KDM5B: variants seen among roughly 807,000 people sequenced by gnomAD.
KDM5B encodes the protein lysine-specific demethylase 5B.
In KDM5B, 144 loss-of-function variants were observed where a neutral mutation model predicts 193.4. The ratio of observed to expected loss-of-function variants is 0.74; its 90% CI spans 0.65 to 0.86. The LOEUF (loss-of-function observed/expected upper bound fraction) is 0.86. Ranked by LOEUF, KDM5B falls within the 40% of genes least tolerant of loss-of-function variation. The pLI is 0.00. For missense variants in KDM5B, 1,833 were observed against 1,886.9 expected, an observed-to-expected ratio of 0.97 and a Z score of 0.53; for synonymous variants, 668 against 682.6, an observed-to-expected ratio of 0.98 and a Z score of 0.33.
chr1:202,762,844 G>A lies in KDM5B; in HGVS notation c.809-36C>T, dbSNP rs989321487. ...CAATCCAAAATTAGCTCTTTATGAT[G>A]CTTTTCTCCACTTCCTCATCATCTC... On this transcript the variant is annotated intron_variant, in intron 6 of 26. Transcript: ENST00000367265. 2.8e-6 allele frequency: 3 copies of A among 1,063,918 alleles called. No individual in the cohort carries two copies. In the African/African-American group the frequency reaches 5.4e-5, roughly 19 times the overall value. The allele number at this position is 1,063,918 out of a possible 1,614,324, so 65.9% of individuals were successfully genotyped here.
chr1:202,777,042 C>T lies in KDM5B; in HGVS notation c.257G>A (p.Arg86His), dbSNP rs1282352157. ...CTCCAATTCATTCAGTCTCTGGATA[C>T]GTGGCGTAAAATGAAGTTTATCAAC... ...CDVDKLHFTP[R>H]IQRLNELEAQ... Residue 86 changes from arginine (R) to histidine (H), a missense_variant, in exon 2 of 27, where the codon CGT (arginine) becomes CAT (histidine). Around this residue, in one of 3 missense-constraint regions of KDM5B, gnomAD observed 355 missense variants for 374.9 expected, o/e 0.95. Coordinates refer to ENST00000367265, the MANE Select transcript of KDM5B (RefSeq NM_006618.5). 4 of 1,612,912 alleles carry T rather than the reference C, an allele frequency of 2.5e-6. No homozygotes were observed. The highest frequency in any genetic ancestry group is 3.4e-6 in the Non-Finnish European group (4 of 1,178,946).
rs541528706 is a variant in KDM5B at position 202,787,610 on chromosome 1, G to A, written c.205-10516C>T. Among the ~76,000 whole-genome samples the A allele has an allele frequency of 8.5e-5, 13 of 152,126 alleles. No individual in the cohort carries two copies. In the South Asian group the frequency reaches 2.5e-3, roughly 29 times the overall value. On this transcript the variant is annotated intron_variant, in intron 1 of 26. Coordinates refer to ENST00000367265, the MANE Select transcript of KDM5B (RefSeq NM_006618.5). ...CGGTTAAAAGTATGTGAAGTAGGCC[G>A]GGTGCGGTGGCTCACACCTGTAATC...
Position 202,731,871 on chromosome 1 carries a change from C to G in KDM5B, c.3978G>C (p.Leu1326Phe), listed in dbSNP as rs746731703. The G allele has an allele frequency of 6.2e-7, 1 of 1,613,548 alleles. No individual in the cohort carries two copies. The highest frequency in any genetic ancestry group is 2.2e-5 in the East Asian group (1 of 44,850). Residue 1326 changes from leucine (L) to phenylalanine (F), a missense_variant, in exon 24 of 27, where the codon TTG becomes TTC. Physicochemically the swap from Leu to Phe is conservative, Grantham distance 22. This residue lies in a region of KDM5B where 1,379 missense variants were observed against 1,349.6 expected (regional missense o/e 1.02). Transcript: ENST00000367265. ...TTCGTCCAGTTGAGAAGGGGGAGTG[C>G]AAATATGAGGTTCTGTTGTCCCAGT... ...PDDWDNRTSY[L>F]HSPFSTGRSC...
At chr1:202,775,165 A>G (rs947666755) in intron 2 of KDM5B, among the ~76,000 whole-genome samples, 9 of 151,616 alleles carry the variant, frequency 5.9e-5, no homozygotes, top group Non-Finnish European at 1.2e-4. Flanking sequence ...TGAACTCAGG[A>G]GGCAGAGGTT....
intron 13 of KDM5B, among the ~76,000 whole-genome samples, 155 bp from the exon 14 acceptor site, chr1:202,749,294 G>A (rs1655698620): frequency 6.6e-6 from 1 of 152,142 alleles, no homozygotes. Context: ...CCAGGTAGAT[G>A]GCTCACACCT....
rs1168889147 is a variant in KDM5B, at chr1:202,746,231, G to A, written c.2109C>T (p.Ala703=). The change falls in exon 15 of 27, where the codon GCC becomes GCT. Residue 703 remains alanine, a synonymous_variant. Transcript: ENST00000367265. ...VKCKTTCFMS[A]ISCSCKPGLL... ...GGCCAGGTTTACAAGAACAGGAGAT[G>A]GCAGACATGAAGCATGTAGTTTTGC... The A allele has an allele frequency of 1.9e-6, 3 of 1,613,246 alleles. No homozygotes were observed. The East Asian group carries it at 6.7e-5, about 36-fold the overall frequency.
chr1:202,785,621 A>G (rs11579816), intron 1 of KDM5B, among the ~76,000 whole-genome samples: 59,753 of 152,172 alleles, frequency 0.39, 14,103 homozygotes, highest in Non-Finnish European at 0.52. Context: ...GTCAAAAAAT[A>G]TTAGTTTTGG....
At chr1:202,782,924 G>A (rs1453440986) in intron 1 of KDM5B, among the ~76,000 whole-genome samples, 1 of 152,158 alleles carries the variant, frequency 6.6e-6, no homozygotes, top group African/African-American at 2.4e-5. Flanking sequence ...GCCAAAAGGG[G>A]GAGGACTGCT....
chr1:202,729,056 C>A lies in KDM5B; in HGVS notation c.4615G>T (p.Asp1539Tyr), dbSNP rs1333603944. Residue 1539 changes from aspartate (D) to tyrosine (Y), a missense_variant, in exon 27 of 27, where the codon GAC (aspartate) becomes TAC (tyrosine). Asp to Tyr is a radical substitution (Grantham distance 160). This residue lies in a region of KDM5B where 1,379 missense variants were observed against 1,349.6 expected (regional missense o/e 1.02). Coordinates refer to ENST00000367265, the MANE Select transcript of KDM5B (RefSeq NM_006618.5). ...DYICVRCTVK[D>Y]APSRK ...TGTTTTTACTTTCGGCTTGGTGCGT[C>A]CTTCACAGTACAGCGCACACAGATG... The A allele has an allele frequency of 6.2e-7, 1 of 1,614,050 alleles. No homozygotes were observed. Among genetic ancestry groups the A allele is most frequent in the East Asian group, 2.2e-5 (1 of 44,878 alleles).
intron 4 of KDM5B, 22 bp from the exon 5 acceptor site, chr1:202,767,082 AT>A: frequency 6.2e-7 from 1 of 1,606,744 alleles, no homozygotes; most frequent in Non-Finnish European, 8.5e-7. Flanking sequence ...AACTGTACTG[AT>A]AAATTCCCTC....
At chr1:202,767,322 G>C (rs898117295) in intron 4 of KDM5B, 3 of 1,608,854 alleles carry the variant, frequency 1.9e-6, no homozygotes, top group Admixed American at 1.7e-5. Context: ...ACGACCACTT[G>C]TTTTCCACTG....
At position 202,764,048 on chromosome 1, in the gene KDM5B, C is replaced by G; in HGVS notation, c.808+1G>C. On this transcript the variant is annotated splice_donor_variant, in intron 6 of 26. Transcript: ENST00000367265. LOFTEE classifies it high-confidence loss of function. ...TCCTATTCATTGACAAATTTTCTTA[C>G]CATTTTCACATTTTGGAGTTGGACA... The G allele has an allele frequency of 6.6e-7, 1 of 1,522,920 alleles. No individual in the cohort carries two copies. The highest frequency in any genetic ancestry group is 9.0e-7 in the Non-Finnish European group (1 of 1,114,010). 94.3% of individuals were successfully genotyped at this position (1,522,920 alleles called of 1,614,324 possible).
chr1:202,757,102 G>C (rs911239246), intron 9 of KDM5B, among the ~76,000 whole-genome samples: 2 of 152,056 alleles, frequency 1.3e-5, no homozygotes, highest in African/African-American at 2.4e-5. Context: ...GAGGTGGGGG[G>C]GGGATTAGAT....
At chr1:202,745,740 AG>A in intron 16 of KDM5B, 117 bp downstream of exon 16, 3 of 1,148,074 alleles carry the variant, frequency 2.6e-6, no homozygotes, top group Non-Finnish European at 2.6e-6. Context: ...GGCTATGTAG[AG>A]GGGCTAACCA....
At position 202,760,484 on chromosome 1, in the gene KDM5B, G is replaced by T. The variant is rs1656203323; in HGVS notation, c.1008C>A (p.Thr336=). The T allele has an allele frequency of 1.9e-6, 3 of 1,613,460 alleles. No homozygotes were observed. Among genetic ancestry groups the T allele is most frequent in the Non-Finnish European group, 2.5e-6 (3 of 1,179,728 alleles). Reference sequence around the variant, plus strand: ...CATGGAGAGGTGGGATCAAGCAAAAGGTATGGTAACTGTCATCACAGCCAT... The same window carrying T: ...CATGGAGAGGTGGGATCAAGCAAAATGTATGGTAACTGTCATCACAGCCAT... ...LCDGCDDSYH[T]FCLIPPLHDV... The change falls in exon 8 of 27, where the codon ACC becomes ACA. Residue 336 remains threonine (T), a synonymous_variant. Transcript: ENST00000367265.
chr1:202,727,450 G>A lies in KDM5B; in HGVS notation c.*1586C>T, dbSNP rs1654714334. ...TATTTGAAGTGCATAAAAGGGGAGG[G>A]TACATTTAAACCTCTGCTATATCAC... On this transcript the variant is annotated 3_prime_UTR_variant, in exon 27 of 27. Coordinates refer to ENST00000367265, the MANE Select transcript of KDM5B (RefSeq NM_006618.5). 2 of 152,558 alleles carry A rather than the reference G, an allele frequency of 1.3e-5. No individual in the cohort carries two copies. Among genetic ancestry groups the A allele is most frequent in the Non-Finnish European group, 2.9e-5 (2 of 68,040 alleles). 9.5% of individuals were successfully genotyped at this position (152,558 alleles called of 1,614,324 possible).
chr1:202,752,767 G>T, intron 12 of KDM5B, 138 bp downstream of exon 12: 1 of 784,018 alleles, frequency 1.3e-6, no homozygotes, highest in Non-Finnish European at 2.1e-6. Flanking sequence ...CAGTACTGCA[G>T]CAAAACAGCT....
At chr1:202,758,976 T>TA (rs2102269079) in intron 8 of KDM5B, 2 of 153,592 alleles carry the variant, frequency 1.3e-5, no homozygotes, top group South Asian at 4.1e-4. Flanking sequence ...ACAGGGGCAG[T>TA]ATAAGCTGCC....
chr1:202,749,168 A>G (rs376572358), intron 13 of KDM5B, 29 bp from the exon 14 acceptor site: 216 of 1,582,148 alleles, frequency 1.4e-4, no homozygotes, highest in Admixed American at 5.9e-4. Flanking sequence ...AGAAAAAAAT[A>G]ACATTCATCT....
Sources: gnomAD v4.1 joint callset for allele counts (sites outside exome capture counted in the v4.1 genomes callset) on GRCh38, gnomAD v4.1.1 for gene constraint, gnomAD v4.1.1 regional missense constraint, MANE v1.5 for transcripts, NCBI Gene and HGNC (gene_info 2026-07-23, HGNC 2026-07-21) for gene names.